PTPRG: variants seen among roughly 807,000 people sequenced by gnomAD.
The protein encoded by PTPRG is receptor-type tyrosine-protein phosphatase gamma.
PTPRG carries 102 observed loss-of-function variants against 165.3 expected under a neutral mutation model. The observed-to-expected ratio is 0.62, with a 90% confidence interval of 0.53 to 0.73. PTPRG has a LOEUF of 0.73. Ranked by LOEUF, PTPRG falls within the 30% of genes least tolerant of loss-of-function variation. The probability of loss-of-function intolerance (pLI) is 0.00; values close to 1 mark genes in which losing one functional copy is unlikely to be tolerated. For synonymous variants in PTPRG, 675 were observed against 669.5 expected, an observed-to-expected ratio of 1.01 and a Z score of -0.13; for missense variants, 1,866 against 1,861.4, an observed-to-expected ratio of 1.00 and a Z score of -0.05.
At chr3:61,617,700 GA>G (rs1294659864) in intron 1 of PTPRG, among the ~76,000 whole-genome samples, 1 of 152,210 alleles carries the variant, frequency 6.6e-6, no homozygotes, top group Non-Finnish European at 1.5e-5. Flanking sequence ...TAACACTGAA[GA>G]ATTTTGGAAG....
At chr3:61,926,918 G>A (rs1355450703) in intron 2 of PTPRG, among the ~76,000 whole-genome samples, 2 of 151,418 alleles carry the variant, frequency 1.3e-5, no homozygotes, top group Non-Finnish European at 2.9e-5. Context: ...AGTTCGGGGG[G>A]AAGAAAAAAA....
At chr3:61,988,987 G>C (rs1260012022) in intron 2 of PTPRG, among the ~76,000 whole-genome samples, 2 of 152,136 alleles carry the variant, frequency 1.3e-5, no homozygotes, top group Non-Finnish European at 2.9e-5. Flanking sequence ...ACAGAGTCCA[G>C]TCTGAAGGTA....
Position 62,249,607 on chromosome 3 carries a change from TACTC to T in PTPRG, c.2468-5514_2468-5511del, listed in dbSNP as rs549188167. 5.3e-5 allele frequency among the ~76,000 whole-genome samples: 8 copies of T among 152,222 alleles called. No individual in the cohort carries two copies. In the East Asian group the frequency reaches 1.4e-3, roughly 26 times the overall value. On this transcript the variant is annotated intron_variant, in intron 15 of 29. Transcript: ENST00000474889. ...GGAATCTTAATGGTATTTATATAAATACTCACACACTTCCAGAGTAAGCAAGAAG... is the reference window on the plus strand; with the variant it reads ...GGAATCTTAATGGTATTTATATAAATACACACTTCCAGAGTAAGCAAGAAG...
chr3:62,052,947 G>C lies in PTPRG; in HGVS notation c.520-25216G>C. On this transcript the variant is annotated intron_variant, in intron 4 of 29. Coordinates refer to ENST00000474889, the MANE Select transcript of PTPRG (RefSeq NM_002841.4). ...TGCATATCGCTTTGTTGATAGAAAA[G>C]ACGGAGATACCCAGAATAGCCAGGA... Among the ~76,000 whole-genome samples the C allele has an allele frequency of 1.3e-5, 2 of 152,256 alleles. 1 individual carries two copies. The highest frequency in any genetic ancestry group is 4.1e-4 in the South Asian group (2 of 4,824).
chr3:61,565,753 G>A (rs553359447), intron 1 of PTPRG, among the ~76,000 whole-genome samples: 2 of 151,144 alleles, frequency 1.3e-5, no homozygotes, highest in East Asian at 3.9e-4. Context: ...TACCTTGGAT[G>A]TGTCAGAATT....
chr3:61,753,799 T>G (rs1325156004), intron 2 of PTPRG, among the ~76,000 whole-genome samples: 1 of 152,096 alleles, frequency 6.6e-6, no homozygotes. Context: ...TTTCACCATG[T>G]TGGCCAGGCT....
At chr3:62,069,297 A>T (rs1270731002) in intron 4 of PTPRG, among the ~76,000 whole-genome samples, 2 of 152,218 alleles carry the variant, frequency 1.3e-5, no homozygotes, top group African/African-American at 4.8e-5. Context: ...AGAAATCTCC[A>T]GGCTCTTCAA....
At chr3:62,075,251 C>A (rs1701345608) in intron 4 of PTPRG, among the ~76,000 whole-genome samples, 1 of 152,150 alleles carries the variant, frequency 6.6e-6, no homozygotes, top group Non-Finnish European at 1.5e-5. Context: ...TGCACATGGG[C>A]TGAAGTATAA....
In PTPRG at chr3:62,273,063, C is replaced by A. The variant is rs1271133768; in HGVS notation, c.3300C>A (p.Asn1100Lys). ...TGAAGCATATCAGGACACAGCGTAACTACCTCGTCCAGACTGAGGTAAGGA... is the reference window on the plus strand; with the variant it reads ...TGAAGCATATCAGGACACAGCGTAAATACCTCGTCCAGACTGAGGTAAGGA... ...GFLKHIRTQR[N>K]YLVQTEEQYI... The change falls in exon 22 of 30, where the codon AAC (asparagine) becomes AAA (lysine). Residue 1100 changes from asparagine to lysine, a missense_variant. Physicochemically the swap from Asn to Lys is moderately conservative, Grantham distance 94 (BLOSUM62 0). Around this residue, in one of 3 missense-constraint regions of PTPRG, gnomAD observed 1,452 missense variants for 1,463.0 expected, o/e 0.99. Transcript: ENST00000474889. The surrounding 1 kb of genome is among the most constrained non-coding windows in gnomAD (Gnocchi z 4.1). 6.2e-7 allele frequency: 1 copy of A among 1,612,702 alleles called. No individual in the cohort carries two copies.
intron 14 of PTPRG, among the ~76,000 whole-genome samples, chr3:62,231,731 G>A (rs985148612): frequency 6.6e-6 from 1 of 151,942 alleles, no homozygotes; most frequent in African/African-American, 2.4e-5. Flanking sequence ...ACCTAAATTT[G>A]TAGATAAGTT....
At chr3:62,010,447 CT>C (rs1160562245) in intron 4 of PTPRG, among the ~76,000 whole-genome samples, 2 of 148,260 alleles carry the variant, frequency 1.3e-5, no homozygotes, top group Admixed American at 1.3e-4. Context: ...TACTTTTCTC[CT>C]CTCAACCTTT....
intron 7 of PTPRG, among the ~76,000 whole-genome samples, chr3:62,166,615 C>T (rs1704995862): frequency 6.6e-6 from 1 of 152,054 alleles, no homozygotes; most frequent in African/African-American, 2.4e-5. Flanking sequence ...GGATTTCAGG[C>T]ATGAGCCACC....
chr3:61,721,671 T>G (rs1012673172), intron 1 of PTPRG, among the ~76,000 whole-genome samples: 3 of 152,028 alleles, frequency 2.0e-5, no homozygotes, highest in Non-Finnish European at 4.4e-5. Context: ...CCTGGAGAAC[T>G]TTTTTTTCCC....
chr3:62,074,353 T>TTTTCTTTCTTTC (rs1701312794), intron 4 of PTPRG, among the ~76,000 whole-genome samples: 2 of 22,552 alleles, frequency 8.9e-5, no homozygotes, highest in African/African-American at 2.4e-4. Flanking sequence ...CTTTTCTTTC[T>TTTTCTTTCTTTC]TTTTTTTTTT....
At chr3:62,150,292 G>C (rs182548251) in intron 6 of PTPRG, among the ~76,000 whole-genome samples, 1 of 152,202 alleles carries the variant, frequency 6.6e-6, no homozygotes, top group East Asian at 1.9e-4. Flanking sequence ...GGCCAGTGTA[G>C]CTATACCTAA....
chr3:61,905,202 G>C (rs1419005636), intron 2 of PTPRG, among the ~76,000 whole-genome samples: 5 of 152,172 alleles, frequency 3.3e-5, no homozygotes, highest in African/African-American at 1.2e-4. Flanking sequence ...ATGTTATCAC[G>C]TAAGGGCTGG....
At chr3:62,147,832 G>A (rs1304496503) in intron 6 of PTPRG, among the ~76,000 whole-genome samples, 3 of 152,188 alleles carry the variant, frequency 2.0e-5, no homozygotes, top group African/African-American at 7.2e-5. Context: ...ACAAAGGAAT[G>A]CTGGAAAGGA....
rs545445071 is a variant in PTPRG at position 61,643,860 on chromosome 3, A to G, written c.85+81488A>G. ...TGAATGGTCAGTTTGATGATATAAT[A>G]TTTAAGTTTAATTGGATTCTTATAG... On this transcript the variant is annotated intron_variant, in intron 1 of 29. Coordinates refer to ENST00000474889, the MANE Select transcript of PTPRG (RefSeq NM_002841.4). 3.3e-5 allele frequency among the ~76,000 whole-genome samples: 5 copies of G among 152,314 alleles called. No homozygotes were observed. The East Asian group carries it at 9.6e-4, about 29-fold the overall frequency.
intron 13 of PTPRG, among the ~76,000 whole-genome samples, chr3:62,221,033 G>A (rs1700639410): frequency 6.6e-6 from 1 of 152,170 alleles, no homozygotes; most frequent in South Asian, 2.1e-4. Context: ...GCCAAAACAT[G>A]AGTATTTACT....
Sources: gnomAD v4.1 joint callset for allele counts (sites outside exome capture counted in the v4.1 genomes callset) on GRCh38, gnomAD v4.1.1 for gene constraint, gnomAD v4.1.1 regional missense constraint, Gnocchi (gnomAD v3.1) non-coding constraint, MANE v1.5 for transcripts, NCBI Gene and HGNC (gene_info 2026-07-23, HGNC 2026-07-21) for gene names.